Variants in ENOX1 observed in about 807,000 individuals in gnomAD.
The protein encoded by ENOX1 is ecto-NOX disulfide-thiol exchanger 1, also known as candidate growth-related and time keeping constitutive hydroquinone (NADH) oxidase.
In ENOX1, 42 loss-of-function variants were observed where a neutral mutation model predicts 82.5. That is an observed-to-expected ratio of 0.51 (90% CI 0.40 to 0.66). The LOEUF (loss-of-function observed/expected upper bound fraction) is 0.66, where lower values mean the gene tolerates loss of function less well. Ranked by LOEUF, ENOX1 falls within the 30% of genes least tolerant of loss-of-function variation. The pLI is 0.00. For synonymous variants in ENOX1, 271 were observed against 282.2 expected, an observed-to-expected ratio of 0.96 and a Z score of 0.40; for missense variants, 608 against 811.6, an observed-to-expected ratio of 0.75 and a Z score of 3.05.
At chr13:43,615,583 CTTAAG>C (rs1186973966) in intron 2 of ENOX1, among the ~76,000 whole-genome samples, 1 of 152,084 alleles carries the variant, frequency 6.6e-6, no homozygotes, top group Non-Finnish European at 1.5e-5. Flanking sequence ...GAAAACTCTT[CTTAAG>C]TTTATTATTA....
chr13:43,388,296 A>T (rs1351963758), intron 5 of ENOX1, among the ~76,000 whole-genome samples: 1 of 152,198 alleles, frequency 6.6e-6, no homozygotes, highest in Non-Finnish European at 1.5e-5. Context: ...ATACCCAACG[A>T]GCAAATCAGA....
intron 3 of ENOX1, among the ~76,000 whole-genome samples, chr13:43,468,991 T>C (rs926317858): frequency 1.3e-5 from 2 of 152,200 alleles, no homozygotes; most frequent in Non-Finnish European, 2.9e-5. Context: ...TATTAGCTCA[T>C]AGTCAATAGT....
At chr13:43,323,408 G>A (rs1237065659) in intron 10 of ENOX1, among the ~76,000 whole-genome samples, 1 of 152,182 alleles carries the variant, frequency 6.6e-6, no homozygotes, top group Non-Finnish European at 1.5e-5. Flanking sequence ...ACTCACAAGT[G>A]AGGAATAATA....
intron 14 of ENOX1, among the ~76,000 whole-genome samples, chr13:43,245,763 A>C (rs1353255977): frequency 6.6e-6 from 1 of 152,182 alleles, no homozygotes; most frequent in Non-Finnish European, 1.5e-5. Context: ...CAGAGAGATA[A>C]TCTGAAAGCA....
chr13:43,243,806 A>T (rs528444709), intron 14 of ENOX1, among the ~76,000 whole-genome samples: 1 of 152,156 alleles, frequency 6.6e-6, no homozygotes, highest in African/African-American at 2.4e-5. Context: ...GCTTACTCCT[A>T]TCAAACTAGC....
intron 1 of ENOX1, among the ~76,000 whole-genome samples, chr13:43,738,408 G>A (rs1334106487): frequency 6.6e-6 from 1 of 152,030 alleles, no homozygotes; most frequent in Non-Finnish European, 1.5e-5. Flanking sequence ...ATTCTCTCAG[G>A]CCATGTATAG....
chr13:43,305,128 A>G (rs2046787929), intron 11 of ENOX1, among the ~76,000 whole-genome samples: 1 of 152,170 alleles, frequency 6.6e-6, no homozygotes, highest in Non-Finnish European at 1.5e-5. Context: ...TGTTGCCATC[A>G]GTGCCTCCCA....
At chr13:43,463,078 T>C (rs957196718) in intron 3 of ENOX1, among the ~76,000 whole-genome samples, 1 of 152,206 alleles carries the variant, frequency 6.6e-6, no homozygotes, top group Non-Finnish European at 1.5e-5. Context: ...ATTATCTCTC[T>C]CTTTCTTTAA....
chr13:43,494,411 G>A (rs79258578), intron 2 of ENOX1, among the ~76,000 whole-genome samples: 2,080 of 152,312 alleles, frequency 0.014, 40 homozygotes, highest in African/African-American at 0.046. Context: ...GTCCAGCACA[G>A]TGACTACATT....
chr13:43,501,243 A>G (rs1164194900), intron 2 of ENOX1, among the ~76,000 whole-genome samples: 1 of 151,838 alleles, frequency 6.6e-6, no homozygotes, highest in Non-Finnish European at 1.5e-5. Context: ...AAATGCTTTT[A>G]AGTCAACTGT....
At chr13:43,345,478 G>A (rs1594059885) in intron 8 of ENOX1, among the ~76,000 whole-genome samples, 1 of 147,332 alleles carries the variant, frequency 6.8e-6, no homozygotes, top group East Asian at 2.3e-4. Context: ...GTGGCGGGGG[G>A]ATAGGAAGTG....
intron 15 of ENOX1, among the ~76,000 whole-genome samples, chr13:43,230,725 C>T (rs147542115): frequency 2.6e-5 from 4 of 152,294 alleles, no homozygotes; most frequent in African/African-American, 7.2e-5. Flanking sequence ...CCTCCCCCAC[C>T]GCTCAGGGCT....
chr13:43,654,981 T>G (rs934758385), intron 2 of ENOX1, among the ~76,000 whole-genome samples: 11 of 152,216 alleles, frequency 7.2e-5, no homozygotes, highest in African/African-American at 2.4e-4. Flanking sequence ...GGCCTTTTCA[T>G]GAAGTATCTC....
At chr13:43,536,778 G>A in intron 2 of ENOX1, among the ~76,000 whole-genome samples, 1 of 152,204 alleles carries the variant, frequency 6.6e-6, no homozygotes, top group East Asian at 1.9e-4. Context: ...AAAGTGCCCA[G>A]CTGTTCACCC....
At chr13:43,766,355 C>T (rs1197471558) in intron 1 of ENOX1, among the ~76,000 whole-genome samples, 5 of 152,280 alleles carry the variant, frequency 3.3e-5, no homozygotes, top group East Asian at 3.9e-4. Flanking sequence ...TAAAGACCTA[C>T]GTTCTTTCTA....
intron 2 of ENOX1, among the ~76,000 whole-genome samples, chr13:43,618,419 G>A (rs2082576988): frequency 6.6e-6 from 1 of 152,126 alleles, no homozygotes. Context: ...TTTTGTATAA[G>A]GTGAGAGATG....
At chr13:43,454,910 C>T (rs915592284) in intron 3 of ENOX1, among the ~76,000 whole-genome samples, 10 of 151,960 alleles carry the variant, frequency 6.6e-5, no homozygotes, top group African/African-American at 2.2e-4. Flanking sequence ...CCTGGAGGAG[C>T]CTCCCGTCCA....
At chr13:43,691,584 C>T (rs115859953) in intron 1 of ENOX1, among the ~76,000 whole-genome samples, 3,252 of 152,132 alleles carry the variant, frequency 0.021, 112 homozygotes, top group African/African-American at 0.072. Flanking sequence ...GAGACTTTCA[C>T]ACTCAAGTCT....
At chr13:43,309,497 A>G (rs1168255439) in intron 11 of ENOX1, among the ~76,000 whole-genome samples, 1 of 152,160 alleles carries the variant, frequency 6.6e-6, no homozygotes, top group Non-Finnish European at 1.5e-5. Context: ...AAGGCCCGAC[A>G]GTGGAGAGGA....
Sources: allele counts gnomAD v4.1 joint callset (sites outside exome capture counted in the v4.1 genomes callset), GRCh38; gene constraint gnomAD v4.1.1; transcripts MANE v1.5; gene names NCBI Gene and HGNC (gene_info 2026-07-23, HGNC 2026-07-21).